LOC131768270: variants seen among roughly 807,000 people sequenced by gnomAD.
chr5:140,568,246 C>G, the LOC131768270 span: 9 of 1,570,468 alleles, frequency 5.7e-6, no homozygotes, highest in East Asian at 1.6e-4. Flanking sequence ...AGCCCTGTAA[C>G]AAGTGCCTTG....
the LOC131768270 span, chr5:140,567,935 G>A: frequency 1.5e-3 from 2,493 of 1,614,192 alleles, 5 homozygotes; most frequent in Middle Eastern, 4.9e-3. Context: ...GGCAGCACTC[G>A]TGGTGCTGAG....
the LOC131768270 span, chr5:140,568,383 C>T: frequency 1.6e-6 from 1 of 612,020 alleles, no homozygotes; most frequent in Non-Finnish European, 2.9e-6. Flanking sequence ...CACCCCCAAC[C>T]AAGTTCTTCC....
chr5:140,567,912 G>A, the LOC131768270 span: 3 of 1,614,208 alleles, frequency 1.9e-6, no homozygotes, highest in Non-Finnish European at 2.5e-6. Flanking sequence ...CTCCTGGAAG[G>A]TTTCTCAGGA....
the LOC131768270 span, chr5:140,564,836 C>CG: frequency 9.0e-5 from 36 of 400,542 alleles, no homozygotes; most frequent in East Asian, 8.2e-4. This position sits in a 1 kb window ranked among gnomAD's most constrained non-coding sequence, Gnocchi z 5.0. Context: ...ACAAGTTCGG[C>CG]GGGGAAGATG....
the LOC131768270 span, chr5:140,566,502 G>A: frequency 5.0e-6 from 2 of 404,014 alleles, no homozygotes; most frequent in Non-Finnish European, 8.7e-6. Context: ...ATCCCAGCTT[G>A]AGTAGCCCCT....
chr5:140,565,129 ACTC>A, the LOC131768270 span: 1 of 382,978 alleles, frequency 2.6e-6, no homozygotes, highest in East Asian at 3.7e-5. Context: ...ACCCTTAAAC[ACTC>A]CTCACTTTAC....
At chr5:140,568,122 G>A in the LOC131768270 span, 69 of 1,613,574 alleles carry the variant, frequency 4.3e-5, no homozygotes, top group Non-Finnish European at 5.3e-5. Flanking sequence ...CTGGCCATGC[G>A]CCTGTACTAT....
the LOC131768270 span, chr5:140,567,768 G>C: frequency 5.6e-6 from 9 of 1,614,076 alleles, no homozygotes; most frequent in Non-Finnish European, 6.8e-6. Context: ...CTCATCTCAG[G>C]CTTGTCGTCA....
At chr5:140,568,288 G>C in the LOC131768270 span, 2 of 1,337,292 alleles carry the variant, frequency 1.5e-6, no homozygotes, top group Non-Finnish European at 2.1e-6. Context: ...GGGCAGCCAG[G>C]TTATTCTCTG....
At chr5:140,567,154 A>G in the LOC131768270 span, 17 of 1,614,134 alleles carry the variant, frequency 1.1e-5, no homozygotes, top group East Asian at 2.2e-5. Flanking sequence ...TTAGCCACCC[A>G]GGGTCTTGTG....
At chr5:140,568,903 G>A in the LOC131768270 span, 1 of 167,198 alleles carries the variant, frequency 6.0e-6, no homozygotes, top group African/African-American at 2.4e-5. Flanking sequence ...CTCCTAGGAG[G>A]TACCATGCTT....
the LOC131768270 span, chr5:140,565,149 C>T: frequency 2.7e-6 from 1 of 367,596 alleles, no homozygotes; most frequent in Non-Finnish European, 4.8e-6. Flanking sequence ...TTACCCCATT[C>T]CCTAGCTCCC....
chr5:140,566,266 T>G, the LOC131768270 span, among the ~76,000 whole-genome samples: 3 of 151,962 alleles, frequency 2.0e-5, no homozygotes, highest in Non-Finnish European at 4.4e-5. Flanking sequence ...CTACAGTAGT[T>G]GGGGAGCATG....
chr5:140,568,526 G>C, the LOC131768270 span: 1 of 276,298 alleles, frequency 3.6e-6, no homozygotes, highest in Non-Finnish European at 7.5e-6. Flanking sequence ...GGCTTTCCTT[G>C]CCTACTTTAG....
At chr5:140,567,382 A>G in the LOC131768270 span, 1 of 1,614,038 alleles carries the variant, frequency 6.2e-7, no homozygotes, top group African/African-American at 1.3e-5. Context: ...CCCTTCTGGT[A>G]GGCTGGCAAG....
the LOC131768270 span, chr5:140,566,459 A>C: frequency 5.0e-6 from 2 of 399,658 alleles, no homozygotes; most frequent in Admixed American, 4.3e-5. Context: ...ACGGTTGTCC[A>C]GGGTGAGGAG....
At chr5:140,565,502 TAGCCAAGAC>T in the LOC131768270 span, 1 of 163,162 alleles carries the variant, frequency 6.1e-6, no homozygotes, top group Non-Finnish European at 1.3e-5. Context: ...TAGAACATAG[TAGCCAAGAC>T]AGACTGGTCA....
the LOC131768270 span, chr5:140,566,522 G>A: frequency 2.4e-6 from 1 of 414,302 alleles, no homozygotes; most frequent in South Asian, 1.0e-4. Context: ...TGGACAGTCA[G>A]GAAGGAGCCT....
the LOC131768270 span, chr5:140,564,950 C>G: frequency 5.0e-6 from 2 of 400,052 alleles, no homozygotes; most frequent in Non-Finnish European, 8.8e-6. The surrounding 1 kb of genome is among the most constrained non-coding windows in gnomAD (Gnocchi z 5.0). Context: ...TGGAGCGGCT[C>G]AGGAGTGAGG....
Sources: allele counts gnomAD v4.1 joint callset (sites outside exome capture counted in the v4.1 genomes callset), GRCh38; gene constraint gnomAD v4.1.1; non-coding constraint Gnocchi (gnomAD v3.1); transcripts MANE v1.5.